MSN: variants seen among roughly 807,000 people sequenced by gnomAD.
MSN encodes the protein epididymis luminal protein 70.
In MSN, 2 loss-of-function variants were observed where a neutral mutation model predicts 48.0. The ratio of observed to expected loss-of-function variants is 0.04; its 90% CI spans 0.02 to 0.13. MSN has a LOEUF of 0.13. Ranked by LOEUF, MSN falls within the 10% of genes least tolerant of loss-of-function variation. The pLI is 1.00. For synonymous variants in MSN, 146 were observed against 166.9 expected, an observed-to-expected ratio of 0.87 and a Z score of 0.97; for missense variants, 267 against 470.1, an observed-to-expected ratio of 0.57 and a Z score of 3.99.
At chrX:65,701,513 A>G (rs2071303932) in intron 1 of MSN, among the ~76,000 whole-genome samples, 1 of 111,974 alleles carries the variant, frequency 8.9e-6, no homozygotes, top group Non-Finnish European at 1.9e-5. Context: ...AACTTTTCAG[A>G]TGGAAAGAAT....
At chrX:65,662,988 C>T (rs759465501), upstream of MSN, among the ~76,000 whole-genome samples, 100 of 111,764 alleles carry the variant, frequency 8.9e-4, no homozygotes, top group Non-Finnish European at 1.7e-3. Flanking sequence ...CCAGGCGTGG[C>T]GGCTCACGCC....
At chrX:65,684,786 CG>C (rs1188519024) in intron 1 of MSN, among the ~76,000 whole-genome samples, 1 of 112,043 alleles carries the variant, frequency 8.9e-6, no homozygotes, top group Non-Finnish European at 1.9e-5. Flanking sequence ...TTACCCAGGC[CG>C]GAGTGCAGTG....
chrX:65,702,678 A>G (rs1204870702), intron 1 of MSN, among the ~76,000 whole-genome samples: 1 of 110,799 alleles, frequency 9.0e-6, no homozygotes, highest in Non-Finnish European at 1.9e-5. Flanking sequence ...ACAAAACAAA[A>G]CAAAACAAAA....
intron 1 of MSN, among the ~76,000 whole-genome samples, chrX:65,602,594 C>T (rs145933901): frequency 0.12 from 13,547 of 110,801 alleles, 2,022 homozygotes; most frequent in African/African-American, 0.42. Context: ...AGTTTTGTCT[C>T]GGTGTCAGGC....
intron 1 of MSN, among the ~76,000 whole-genome samples, chrX:65,617,284 C>T (rs1463534018): frequency 9.0e-6 from 1 of 110,872 alleles, no homozygotes; most frequent in Non-Finnish European, 1.9e-5. Flanking sequence ...AGGAATGGTA[C>T]CAGTTCCTCC....
At chrX:65,616,254 T>C (rs1334711027) in intron 1 of MSN, among the ~76,000 whole-genome samples, 1 of 106,719 alleles carries the variant, frequency 9.4e-6, no homozygotes, top group Non-Finnish European at 1.9e-5. Context: ...AAGTCATTGG[T>C]AGCTTGATGG....
In MSN at chrX:65,741,078, C is replaced by T. The variant is rs1332755611; in HGVS notation, c.*1185C>T. The T allele has an allele frequency of 6.0e-6, 1 of 167,349 alleles. No individual in the cohort carries two copies. The highest frequency in any genetic ancestry group is 3.0e-5 in the African/African-American group (1 of 33,321). 13.8% of individuals were successfully genotyped at this position (167,349 alleles called of 1,213,427 possible). A position where few individuals can be genotyped will look rare whatever the true frequency, so the allele number is the denominator to read the frequency against. On this transcript the variant is annotated 3_prime_UTR_variant, in exon 13 of 13. Transcript: ENST00000360270. Reference sequence around the variant, plus strand: ...TGACCAAAATCCCCTTCTCATCACTCCCCTCCAAAGAGGTGACTGGGCCCT... The same window carrying T: ...TGACCAAAATCCCCTTCTCATCACTTCCCTCCAAAGAGGTGACTGGGCCCT...
chrX:65,647,304 CGG>C (rs1446070748), intron 1 of MSN, among the ~76,000 whole-genome samples: 1 of 107,877 alleles, frequency 9.3e-6, no homozygotes, highest in Non-Finnish European at 1.9e-5. Flanking sequence ...CTCCACCTCC[CGG>C]GTTCAAGCAA....
chrX:65,730,652 T>A (rs2147512660), intron 4 of MSN, among the ~76,000 whole-genome samples: 1 of 110,590 alleles, frequency 9.0e-6, no homozygotes, highest in African/African-American at 3.3e-5. Flanking sequence ...AGGACTCAGT[T>A]CATTGCTCTG....
chrX:65,716,965 T>C, intron 2 of MSN, 64 bp downstream of exon 2: 1 of 1,000,857 alleles, frequency 1.0e-6, no homozygotes, highest in Non-Finnish European at 1.4e-6. Flanking sequence ...ATGCCAACAA[T>C]CCATGACTTT....
At chrX:65,699,748 C>CAAAAA (rs34875923) in intron 1 of MSN, among the ~76,000 whole-genome samples, 1 of 43,026 alleles carries the variant, frequency 2.3e-5, no homozygotes, top group Non-Finnish European at 4.5e-5. Context: ...GAATCTGTTT[C>CAAAAA]AAAAAAAAAA....
chrX:65,656,924 T>C (rs1465661885), intron 1 of MSN, among the ~76,000 whole-genome samples: 3 of 111,446 alleles, frequency 2.7e-5, no homozygotes, highest in Non-Finnish European at 5.7e-5. Context: ...TGTGTGAGGG[T>C]TCACCTGCCA....
At chrX:65,661,499 C>T (rs1455985186) in intron 1 of MSN, among the ~76,000 whole-genome samples, 1 of 111,974 alleles carries the variant, frequency 8.9e-6, no homozygotes, top group Non-Finnish European at 1.9e-5. Context: ...TGACGTGCTG[C>T]TGGATTTGTT....
chrX:65,613,197 A>T (rs2070336391), intron 1 of MSN, among the ~76,000 whole-genome samples: 1 of 113,186 alleles, frequency 8.8e-6, no homozygotes, highest in Admixed American at 9.3e-5. Flanking sequence ...CCTGCAAAGG[A>T]CATGAACTCA....
intron 1 of MSN, among the ~76,000 whole-genome samples, chrX:65,612,391 G>A (rs944101210): frequency 4.5e-5 from 5 of 110,702 alleles, no homozygotes; most frequent in Non-Finnish European, 9.4e-5. Context: ...ACCTACTCTC[G>A]GGTATTCTGT....
chrX:65,721,166 G>A (rs1458096602), intron 2 of MSN, among the ~76,000 whole-genome samples: 2 of 111,824 alleles, frequency 1.8e-5, no homozygotes, highest in African/African-American at 6.5e-5. Context: ...AAAGGCACAT[G>A]CAACTCTCTA....
intron 1 of MSN, among the ~76,000 whole-genome samples, chrX:65,697,013 G>A (rs16989688): frequency 9.0e-6 from 1 of 110,564 alleles, no homozygotes; most frequent in Non-Finnish European, 1.9e-5. Context: ...TGAGCTAATG[G>A]CTGTAAACAA....
intron 1 of MSN, among the ~76,000 whole-genome samples, chrX:65,614,703 CT>C (rs552677489): frequency 0.19 from 16,150 of 86,567 alleles, 4,152 homozygotes; most frequent in African/African-American, 0.64. Flanking sequence ...TTTATTTTTT[CT>C]TTTTTTTTTT....
chrX:65,687,179 T>C (rs890168548), intron 1 of MSN, among the ~76,000 whole-genome samples: 2 of 111,306 alleles, frequency 1.8e-5, no homozygotes, highest in Non-Finnish European at 3.8e-5. Context: ...ACCCCGTCTC[T>C]ACTAAAAATA....
Sources: allele counts gnomAD v4.1 joint callset (sites outside exome capture counted in the v4.1 genomes callset), GRCh38; gene constraint gnomAD v4.1.1; transcripts MANE v1.5; gene names NCBI Gene and HGNC (gene_info 2026-07-23, HGNC 2026-07-21).